The following SMCHD1 variants were observed in gnomAD, a reference collection of about 807,000 sequenced individuals.
The protein encoded by SMCHD1 is structural maintenance of chromosomes flexible hinge domain containing 1.
A neutral mutation model predicts 254.7 loss-of-function variants in SMCHD1; 78 were observed. The observed-to-expected ratio is 0.31, with a 90% CI of 0.26 to 0.37. SMCHD1 has a LOEUF of 0.37. Ranked by LOEUF, SMCHD1 falls within the 10% of genes least tolerant of loss-of-function variation. The pLI, the probability that SMCHD1 is intolerant of heterozygous loss-of-function variation, is 1.00. For missense variants in SMCHD1, 1,840 were observed against 2,408.1 expected (o/e 0.76, Z 4.94); for synonymous variants, 766 against 794.9 (o/e 0.96, Z 0.61).
rs756052658 is a variant in SMCHD1, at chr18:2,743,779, A to C, written c.3652A>C (p.Ser1218Arg). 5.6e-6 allele frequency: 9 copies of C among 1,610,166 alleles called. No homozygotes were observed. In the African/African-American group the frequency reaches 1.2e-4, roughly 22 times the overall value. Residue 1218 changes from serine (S) to arginine (R), a missense_variant, in exon 29 of 48, where the codon AGT becomes CGT. Ser to Arg is a moderately radical substitution (Grantham distance 110). Coordinates refer to ENST00000320876, the MANE Select transcript of SMCHD1 (RefSeq NM_015295.3). The part of the protein sequence containing the change: ...TTFQENTQSI[S>R]VRGIKFIPGP... The stretch of plus-strand genomic sequence containing the variant: ...TCACTAGGAAAACACACAGAGTATA[A>C]GTGTAAGAGGCATCAAATTTATTCC...
chr18:2,732,554 T>A, intron 25 of SMCHD1, 62 bp downstream of exon 25: 3 of 1,061,294 alleles, frequency 2.8e-6, no homozygotes, highest in Non-Finnish European at 4.0e-6. Context: ...TTTGTAAGAC[T>A]GAACAAGCCG....
chr18:2,765,072 TA>T (rs1383583448), intron 37 of SMCHD1, among the ~76,000 whole-genome samples: 2 of 152,236 alleles, frequency 1.3e-5, no homozygotes, highest in East Asian at 3.8e-4. Flanking sequence ...TTTTGTCGAA[TA>T]TTTTTTGGTT....
chr18:2,772,129 C>A, intron 40 of SMCHD1, 121 bp from the exon 41 acceptor site: 4 of 738,284 alleles, frequency 5.4e-6, no homozygotes, highest in African/African-American at 1.9e-5. Context: ...TTTAATAATG[C>A]CTACTTACCA....
rs769432583 is a variant in SMCHD1 at position 2,708,907 on chromosome 18, T to TATATATATATATAAAA, written c.2260+988_2260+989insTATATATATATAAAAA. Among the ~76,000 whole-genome samples the TATATATATATATAAAA allele has an allele frequency of 1.0e-3, 46 of 44,700 alleles. 2 individuals are homozygous for TATATATATATATAAAA. Among genetic ancestry groups the TATATATATATATAAAA allele is most frequent in the African/African-American group, 1.4e-3 (17 of 11,890 alleles). The allele number at this position is 44,700 out of a possible 152,430, so 29.3% of individuals were successfully genotyped here. The stretch of plus-strand genomic sequence containing the variant: ...ATATATATATATATATATATATATA[T>TATATATATATATAAAA]AACATATTAACATGAAATTTATGAA... On this transcript the variant is annotated intron_variant, in intron 17 of 47. Coordinates refer to ENST00000320876, the MANE Select transcript of SMCHD1 (RefSeq NM_015295.3).
rs762781766 is a variant in SMCHD1, at chr18:2,750,369, G to A, written c.4027G>A (p.Val1343Ile). The A allele has an allele frequency of 6.2e-7, 1 of 1,612,524 alleles. No individual in the cohort carries two copies. Among genetic ancestry groups the A allele is most frequent in the Non-Finnish European group, 8.5e-7 (1 of 1,179,118 alleles). ...FAPRGEHTLQ[V>I]KAIYNKSIIE... The stretch of plus-strand genomic sequence containing the variant: ...TGTTAGGGGAGAGCATACTCTTCAG[G>A]TTAAAGCCATCTATAACAAAAGTAT... The change falls in exon 32 of 48, where the codon GTT (valine) becomes ATT (isoleucine). Residue 1343 changes from valine to isoleucine, a missense_variant. Around this residue, in one of 9 missense-constraint regions of SMCHD1, gnomAD observed 881 missense variants for 1,009.5 expected, o/e 0.87. Coordinates refer to ENST00000320876, the MANE Select transcript of SMCHD1 (RefSeq NM_015295.3).
At chr18:2,703,933 T>G (rs765949078) in intron 13 of SMCHD1, 47 bp downstream of exon 13, 9 of 1,402,800 alleles carry the variant, frequency 6.4e-6, no homozygotes, top group Non-Finnish European at 5.7e-6. Context: ...TTTAATTTAA[T>G]TTAAAACACA....
In SMCHD1 at chr18:2,707,941, A is replaced by C. The variant is rs557851121; in HGVS notation, c.2260+21A>C. ...ACATTGTAAGTATACAAACTAATTT[A>C]GATCTTTAATATTGTTTTTAAAATA... On this transcript the variant is annotated intron_variant, in intron 17 of 47. Transcript: ENST00000320876. 1.0e-5 allele frequency: 14 copies of C among 1,351,294 alleles called. No homozygotes were observed. The South Asian group carries it at 1.7e-4, about 16-fold the overall frequency. The allele number at this position is 1,351,294 out of a possible 1,614,324, so 83.7% of individuals were successfully genotyped here.
intron 24 of SMCHD1, 60 bp downstream of exon 24, chr18:2,729,469 C>G (rs2075093696): frequency 8.1e-7 from 1 of 1,236,448 alleles, no homozygotes; most frequent in South Asian, 2.4e-5. Flanking sequence ...TAGTCTTCAA[C>G]TGCTTAATAA....
intron 7 of SMCHD1, among the ~76,000 whole-genome samples, chr18:2,693,828 G>A (rs536889815): frequency 2.6e-5 from 4 of 152,076 alleles, no homozygotes; most frequent in South Asian, 2.1e-4. Context: ...ATGGGGTTTC[G>A]GCTTGTTGGC....
intron 19 of SMCHD1, among the ~76,000 whole-genome samples, chr18:2,722,110 A>T (rs2074938843): frequency 6.6e-6 from 1 of 152,170 alleles, no homozygotes; most frequent in Non-Finnish European, 1.5e-5. Context: ...TTCATCATAT[A>T]TATCATTTTA....
chr18:2,758,077 C>T (rs929577620), intron 34 of SMCHD1, among the ~76,000 whole-genome samples: 1 of 151,914 alleles, frequency 6.6e-6, no homozygotes, highest in Admixed American at 6.6e-5. Flanking sequence ...TAGATATATT[C>T]TTTTAAGTGT....
chr18:2,795,045 T>TTTTTTTTG lies in SMCHD1; in HGVS notation c.5720-900_5720-899insTTTGTTTT, dbSNP rs1555658557. Among the ~76,000 whole-genome samples, 7 of 152,010 alleles carry TTTTTTTTG rather than the reference T, an allele frequency of 4.6e-5. No individual in the cohort carries two copies. The East Asian group carries it at 5.8e-4, about 13-fold the overall frequency. On this transcript the variant is annotated intron_variant, in intron 45 of 47. Coordinates refer to ENST00000320876, the MANE Select transcript of SMCHD1 (RefSeq NM_015295.3). Reference sequence around the variant, plus strand: ...TGTTTTTAAAAAATTCTGGGTTTTTTTTTTGTTTTGTTTTGTTTTTGTTTT... The same window carrying TTTTTTTTG: ...TGTTTTTAAAAAATTCTGGGTTTTTTTTTTTTTGTTTTGTTTTGTTTTGTTTTTGTTTT...
intron 5 of SMCHD1, among the ~76,000 whole-genome samples, chr18:2,675,398 G>A (rs1326170285): frequency 6.6e-6 from 1 of 151,534 alleles, no homozygotes; most frequent in African/African-American, 2.4e-5. Flanking sequence ...CCGAGTAGCT[G>A]CGACTACAGG....
At chr18:2,699,172 G>T (rs1195336289) in intron 10 of SMCHD1, among the ~76,000 whole-genome samples, 1 of 152,058 alleles carries the variant, frequency 6.6e-6, no homozygotes, top group Non-Finnish European at 1.5e-5. Flanking sequence ...ACTACTCCCT[G>T]CCTTAGTTTC....
chr18:2,657,591 G>A (rs1020379253), intron 1 of SMCHD1, among the ~76,000 whole-genome samples: 3 of 152,132 alleles, frequency 2.0e-5, no homozygotes, highest in African/African-American at 7.2e-5. Context: ...ACTACTATAT[G>A]ACTACTCTTA....
At chr18:2,713,061 G>A (rs913310259) in intron 17 of SMCHD1, among the ~76,000 whole-genome samples, 12 of 152,190 alleles carry the variant, frequency 7.9e-5, no homozygotes, top group Non-Finnish European at 1.0e-4. Flanking sequence ...TATTTGGAAA[G>A]CGTCAGGTAG....
chr18:2,708,173 G>A (rs1326231998), intron 17 of SMCHD1, among the ~76,000 whole-genome samples: 1 of 151,938 alleles, frequency 6.6e-6, no homozygotes, highest in African/African-American at 2.4e-5. Context: ...ATACATATAT[G>A]TAGAAGAATT....
At chr18:2,741,405 C>G (rs921516243) in intron 28 of SMCHD1, among the ~76,000 whole-genome samples, 1 of 152,150 alleles carries the variant, frequency 6.6e-6, no homozygotes, top group Non-Finnish European at 1.5e-5. Context: ...GAGAGAAGAT[C>G]TCTCAGGTCA....
chr18:2,707,017 G>A lies in SMCHD1; in HGVS notation c.2064-546G>A, dbSNP rs532990645. Among the ~76,000 whole-genome samples the A allele has an allele frequency of 1.4e-4, 22 of 152,242 alleles. No homozygotes were observed. In the South Asian group the frequency reaches 3.3e-3, roughly 23 times the overall value. On this transcript the variant is annotated intron_variant, in intron 15 of 47. Transcript: ENST00000320876. Reference sequence around the variant, plus strand: ...AACACTTTAAAAATCATCAGCTCTCGTGAGAACTCACTATCAAGAGAACAG... The same window carrying A: ...AACACTTTAAAAATCATCAGCTCTCATGAGAACTCACTATCAAGAGAACAG...
Sources: allele counts gnomAD v4.1 joint callset (sites outside exome capture counted in the v4.1 genomes callset), GRCh38; gene constraint gnomAD v4.1.1; regional missense constraint gnomAD v4.1.1; transcripts MANE v1.5; gene names NCBI Gene and HGNC (gene_info 2026-07-23, HGNC 2026-07-21).